Variants in ZBTB16 observed in about 807,000 individuals in gnomAD.
ZBTB16 encodes zinc finger and BTB domain-containing protein 16.
In ZBTB16, 8 loss-of-function variants were observed where a neutral mutation model predicts 56.8. That is an observed-to-expected ratio of 0.14 (90% CI 0.08 to 0.25). The LOEUF (loss-of-function observed/expected upper bound fraction) is 0.25. ZBTB16 is among the 10% of genes least tolerant of loss of function. The pLI is 1.00. For synonymous variants in ZBTB16, 363 were observed against 368.5 expected (o/e 0.98, Z 0.17); for missense variants, 625 against 903.0 (o/e 0.69, Z 3.95).
intron 4 of ZBTB16, among the ~76,000 whole-genome samples, chr11:114,235,652 T>TTCTA (rs1398089673): frequency 8.7e-5 from 2 of 23,050 alleles, no homozygotes; most frequent in South Asian, 4.4e-3. Context: ...CTTTCTTTCT[T>TTCTA]TCTTTCTTTC....
intron 4 of ZBTB16, among the ~76,000 whole-genome samples, chr11:114,199,677 T>C (rs575090777): frequency 6.6e-6 from 1 of 152,286 alleles, no homozygotes; most frequent in South Asian, 2.1e-4. Context: ...TGTGTAGGAA[T>C]TGGGCAAGAA....
intron 2 of ZBTB16, among the ~76,000 whole-genome samples, chr11:114,108,984 T>G (rs1940905723): frequency 6.6e-6 from 1 of 152,248 alleles, no homozygotes. Context: ...CTCCTGCGTG[T>G]GCTTCCCTAG....
chr11:114,141,627 A>G (rs1293392635), intron 2 of ZBTB16, among the ~76,000 whole-genome samples: 1 of 152,206 alleles, frequency 6.6e-6, no homozygotes, highest in Non-Finnish European at 1.5e-5. Context: ...GAAAACTGAG[A>G]CTTGGAGGAT....
intron 4 of ZBTB16, among the ~76,000 whole-genome samples, chr11:114,226,029 G>C (rs1233737171): frequency 6.6e-6 from 1 of 152,156 alleles, no homozygotes; most frequent in Non-Finnish European, 1.5e-5. Flanking sequence ...ACCCAGGTGT[G>C]GTCTGACTTC....
chr11:114,142,525 T>C (rs1941980909), intron 2 of ZBTB16, among the ~76,000 whole-genome samples: 1 of 152,252 alleles, frequency 6.6e-6, no homozygotes, highest in Admixed American at 6.5e-5. Flanking sequence ...ATATGCGCTG[T>C]TGACATAAAT....
At chr11:114,101,527 A>G (rs190132918) in intron 2 of ZBTB16, among the ~76,000 whole-genome samples, 107 of 152,292 alleles carry the variant, frequency 7.0e-4, no homozygotes, top group Non-Finnish European at 1.8e-4. Context: ...AGAGAGGAAC[A>G]TGGTGTGATT....
chr11:114,100,074 G>C (rs1046823501), intron 2 of ZBTB16, among the ~76,000 whole-genome samples: 15 of 152,224 alleles, frequency 9.9e-5, no homozygotes, highest in African/African-American at 3.6e-4. Flanking sequence ...TTGGTGCCCT[G>C]CACTGGGATT....
intron 2 of ZBTB16, among the ~76,000 whole-genome samples, chr11:114,111,235 TTTAAG>T (rs1409700483): frequency 6.6e-6 from 1 of 151,926 alleles, no homozygotes; most frequent in Admixed American, 6.6e-5. Context: ...CTGGGCATGT[TTTAAG>T]TTAAGTTGAG....
chr11:114,196,403 C>CAAAGATACAGACAAAGATAGCT (rs60895547), intron 4 of ZBTB16, among the ~76,000 whole-genome samples: 3 of 151,922 alleles, frequency 2.0e-5, no homozygotes, highest in Non-Finnish European at 4.4e-5. Flanking sequence ...AAAAAAGAGG[C>CAAAGATACAGACAAAGATAGCT]AAGGTCATTC....
chr11:114,249,894 G>A (rs1944888762), intron 6 of ZBTB16, among the ~76,000 whole-genome samples: 1 of 151,890 alleles, frequency 6.6e-6, no homozygotes, highest in Non-Finnish European at 1.5e-5. Context: ...GCCCTGAAAG[G>A]TCTCGATCCA....
chr11:114,136,233 T>G lies in ZBTB16; in HGVS notation c.1269-20104T>G, dbSNP rs140695045. Among the ~76,000 whole-genome samples the G allele has an allele frequency of 4.6e-5, 7 of 152,336 alleles. No individual in the cohort carries two copies. In the East Asian group the frequency reaches 1.3e-3, roughly 29 times the overall value. On this transcript the variant is annotated intron_variant, in intron 2 of 6. Coordinates refer to ENST00000335953, the MANE Select transcript of ZBTB16 (RefSeq NM_006006.6). Reference sequence around the variant, plus strand: ...AAATAAGCGAATTCTCCTAGAAGTGTTAAAAATGAGCCTTCAAGTACTATC... The same window carrying G: ...AAATAAGCGAATTCTCCTAGAAGTGGTAAAAATGAGCCTTCAAGTACTATC...
Position 114,250,271 on chromosome 11 carries a change from C to G in ZBTB16, c.1793-55C>G. The stretch of plus-strand genomic sequence containing the variant: ...GGCACGCCTGAGGGTGACATGGTGC[C>G]CTCACCGCCTTCTGTCTGTCCTCAC... On this transcript the variant is annotated intron_variant, in intron 6 of 6. Transcript: ENST00000335953. This position sits in a 1 kb window ranked among gnomAD's most constrained non-coding sequence, Gnocchi z 6.0. 6.3e-7 allele frequency: 1 copy of G among 1,584,592 alleles called. No individual in the cohort carries two copies. The highest frequency in any genetic ancestry group is 2.2e-5 in the East Asian group (1 of 44,784).
At chr11:114,093,810 A>G (rs573186557) in intron 2 of ZBTB16, among the ~76,000 whole-genome samples, 5 of 152,264 alleles carry the variant, frequency 3.3e-5, no homozygotes, top group East Asian at 1.9e-4. Flanking sequence ...ACCTATGTCC[A>G]TTTTCTAGAT....
chr11:114,061,313 A>G (rs983242541), intron 1 of ZBTB16: 1 of 148,318 alleles, frequency 6.7e-6, no homozygotes, highest in African/African-American at 2.5e-5. Flanking sequence ...TTCCCTCAGG[A>G]CCCAAAAGGC....
At chr11:114,193,030 G>T (rs3782012) in intron 4 of ZBTB16, among the ~76,000 whole-genome samples, 35,417 of 152,166 alleles carry the variant, frequency 0.23, 4,325 homozygotes, top group Middle Eastern at 0.32. Context: ...GCACCTGCTG[G>T]GGATATGATG....
chr11:114,193,075 T>G (rs542270), intron 4 of ZBTB16, among the ~76,000 whole-genome samples: 90,536 of 152,044 alleles, frequency 0.6, 27,588 homozygotes, highest in African/African-American at 0.71. Context: ...GTTCTTGAAA[T>G]AAGCTGAAGG....
intron 2 of ZBTB16, among the ~76,000 whole-genome samples, chr11:114,145,403 CA>C (rs1431584863): frequency 1.7e-4 from 26 of 152,130 alleles, no homozygotes. Context: ...GCCAAAAGGT[CA>C]AAACAACCAA....
rs61107073 is a variant in ZBTB16, at chr11:114,256,022, GTTT to G, written c.*5477_*5479del. On this transcript the variant is annotated 3_prime_UTR_variant, in exon 7 of 7. Coordinates refer to ENST00000335953, the MANE Select transcript of ZBTB16 (RefSeq NM_006006.6). ...TTATTGAAGTACTTGGTTTTGTTTT[GTTT>G]TTTTTTTTTGTTTTTTTTGCCTTTT... Among the ~76,000 whole-genome samples, 244 of 143,110 alleles carry G rather than the reference GTTT, an allele frequency of 1.7e-3. 4 individuals carry two copies. The highest frequency in any genetic ancestry group is 6.1e-3 in the African/African-American group (234 of 38,640). 93.9% of individuals were successfully genotyped at this position (143,110 alleles called of 152,430 possible). A position where few individuals can be genotyped will look rare whatever the true frequency, so the allele number is the denominator to read the frequency against.
chr11:114,208,901 G>A (rs1037761375), intron 4 of ZBTB16, among the ~76,000 whole-genome samples: 3 of 152,176 alleles, frequency 2.0e-5, no homozygotes, highest in Admixed American at 6.5e-5. Context: ...TTGATTCGGC[G>A]TCATCCGAAT....
Sources: gnomAD v4.1 joint callset for allele counts (sites outside exome capture counted in the v4.1 genomes callset) on GRCh38, gnomAD v4.1.1 for gene constraint, Gnocchi (gnomAD v3.1) non-coding constraint, MANE v1.5 for transcripts, NCBI Gene and HGNC (gene_info 2026-07-23, HGNC 2026-07-21) for gene names.